The following KIF13B variants were observed in gnomAD, a reference collection of about 807,000 sequenced individuals.
KIF13B encodes kinesin family member 13B, also known as kinesin-like protein KIF13B.
KIF13B carries 127 observed loss-of-function variants against 222.0 expected under a neutral mutation model. The ratio of observed to expected loss-of-function variants is 0.57; its 90% CI spans 0.50 to 0.66. The LOEUF is 0.66. Ranked by LOEUF, KIF13B falls within the 30% of genes least tolerant of loss-of-function variation. KIF13B has a pLI of 0.00. For missense variants in KIF13B, 2,173 were observed against 2,379.0 expected (o/e 0.91, Z 1.80); for synonymous variants, 976 against 919.0 (o/e 1.06, Z -1.12).
chr8:29,132,753 A>AC (rs1810400775), intron 22 of KIF13B, among the ~76,000 whole-genome samples: 1 of 152,202 alleles, frequency 6.6e-6, no homozygotes, highest in Non-Finnish European at 1.5e-5. Context: ...TTTGGGAGCT[A>AC]TTTTTAAGAG....
intron 37 of KIF13B, among the ~76,000 whole-genome samples, chr8:29,090,146 G>T (rs1808228362): frequency 6.6e-6 from 1 of 152,142 alleles, no homozygotes; most frequent in African/African-American, 2.4e-5. Context: ...GTACTGGTGA[G>T]CGAATAAAGA....
intron 2 of KIF13B, among the ~76,000 whole-genome samples, chr8:29,227,738 C>CA (rs1815088172): frequency 6.6e-6 from 1 of 151,872 alleles, no homozygotes; most frequent in Non-Finnish European, 1.5e-5. Flanking sequence ...CACTTGAGGC[C>CA]AGGAATTCAA....
At chr8:29,163,185 C>CA (rs1811855694) in intron 12 of KIF13B, among the ~76,000 whole-genome samples, 1 of 152,096 alleles carries the variant, frequency 6.6e-6, no homozygotes, top group South Asian at 2.1e-4. Flanking sequence ...TCTTTCTATG[C>CA]AAAAATATTA....
Position 29,193,857 on chromosome 8 carries a change from G to A in KIF13B, c.162+2330C>T, listed in dbSNP as rs189693795. On this transcript the variant is annotated intron_variant, in intron 3 of 39. Coordinates refer to ENST00000524189, the MANE Select transcript of KIF13B (RefSeq NM_015254.4). The stretch of plus-strand genomic sequence containing the variant: ...TTTTGAGACGGAGTCTCGCTCTGTC[G>A]CCCAGGCTGGAGTGCAGTGGCGTGA... 4.2e-3 allele frequency among the ~76,000 whole-genome samples: 636 copies of A among 152,098 alleles called. 1 individual carries two copies. Among genetic ancestry groups the A allele is most frequent in the African/African-American group, 0.015 (602 of 41,484 alleles).
intron 2 of KIF13B, among the ~76,000 whole-genome samples, chr8:29,221,529 A>G (rs1444387289): frequency 2.6e-5 from 4 of 152,102 alleles, no homozygotes; most frequent in Admixed American, 2.6e-4. Context: ...ATAAAAATGA[A>G]ATAGGAGAAG....
At position 29,091,375 on chromosome 8, in the gene KIF13B, G is replaced by A. The variant is rs374881328; in HGVS notation, c.4458+1370C>T. On this transcript the variant is annotated intron_variant, in intron 37 of 39. Transcript: ENST00000524189. Reference sequence around the variant, plus strand: ...ATAGTAATGATGGCAGGCTGACTCCGTGACTTCCAACGTGATTCCAATTTC... The same window carrying A: ...ATAGTAATGATGGCAGGCTGACTCCATGACTTCCAACGTGATTCCAATTTC... Among the ~76,000 whole-genome samples the A allele has an allele frequency of 3.3e-5, 5 of 152,246 alleles. No homozygotes were observed. In the South Asian group the frequency reaches 6.2e-4, roughly 19 times the overall value.
In KIF13B at chr8:29,181,914, GT is replaced by G; in HGVS notation, c.585+4del. ...TTAAATAGTTCACATACAGGATGTT[GT>G]TACCTTGTAGCTTGTGACAGCCAGT... On this transcript the variant is annotated splice_donor_region_variant and intron_variant, in intron 7 of 39. Transcript: ENST00000524189. 6.2e-7 allele frequency: 1 copy of G among 1,606,168 alleles called. No individual in the cohort carries two copies. Among genetic ancestry groups the G allele is most frequent in the Non-Finnish European group, 8.5e-7 (1 of 1,173,860 alleles).
At chr8:29,152,661 G>A (rs1342656158) in intron 14 of KIF13B, among the ~76,000 whole-genome samples, 2 of 152,114 alleles carry the variant, frequency 1.3e-5, no homozygotes, top group East Asian at 1.9e-4. Flanking sequence ...ACCCAGGCTG[G>A]GGTGTAGTGG....
At chr8:29,228,488 T>TATATATATATAC (rs1815141877) in intron 2 of KIF13B, among the ~76,000 whole-genome samples, 1 of 136,578 alleles carries the variant, frequency 7.3e-6, no homozygotes, top group African/African-American at 2.7e-5. Context: ...TATATATATA[T>TATATATATATAC]ATGAGATACA....
intron 3 of KIF13B, among the ~76,000 whole-genome samples, 155 bp from the exon 4 acceptor site, chr8:29,191,212 A>T (rs1436838310): frequency 6.6e-6 from 1 of 152,238 alleles, no homozygotes; most frequent in African/African-American, 2.4e-5. Context: ...AGAACTAAAC[A>T]TGCTATAGGT....
At chr8:29,081,272 A>C (rs1284705991) in intron 37 of KIF13B, among the ~76,000 whole-genome samples, 1 of 151,972 alleles carries the variant, frequency 6.6e-6, no homozygotes, top group African/African-American at 2.4e-5. Flanking sequence ...ACAGGTGTGC[A>C]CCCTCCCCAT....
intron 2 of KIF13B, among the ~76,000 whole-genome samples, chr8:29,236,320 A>G (rs564496093): frequency 2.5e-4 from 38 of 152,176 alleles, no homozygotes; most frequent in Non-Finnish European, 4.1e-4. Flanking sequence ...TCAAAATAAT[A>G]TGGGGAAGAA....
At chr8:29,118,733 A>G (rs1809717857) in intron 30 of KIF13B, 135 bp downstream of exon 30, 2 of 838,778 alleles carry the variant, frequency 2.4e-6, no homozygotes, top group Non-Finnish European at 3.8e-6. Context: ...TCTGGAAGTC[A>G]TGATGAAAGG....
At chr8:29,186,242 G>A in intron 6 of KIF13B, 50 bp downstream of exon 6, 1 of 1,434,580 alleles carries the variant, frequency 7.0e-7, no homozygotes, top group Non-Finnish European at 9.6e-7. Flanking sequence ...GCCAATTTAA[G>A]TCTGTTTCAG....
chr8:29,166,474 G>T (rs750395220), intron 11 of KIF13B, among the ~76,000 whole-genome samples: 1 of 152,142 alleles, frequency 6.6e-6, no homozygotes, highest in Non-Finnish European at 1.5e-5. Flanking sequence ...CGAGGCGGGC[G>T]TATCACCTGA....
rs764002928 is a variant in KIF13B at position 29,099,155 on chromosome 8, T to C, written c.4302A>G (p.Gln1434=). 6.2e-7 allele frequency: 1 copy of C among 1,613,134 alleles called. No homozygotes were observed. The change falls in exon 36 of 40, where the codon CAA becomes CAG. Residue 1434 remains glutamine (Q), a synonymous_variant. Coordinates refer to ENST00000524189, the MANE Select transcript of KIF13B (RefSeq NM_015254.4). The stretch of plus-strand genomic sequence containing the variant: ...TACCTGGATCTGGAGAATGGTTATT[T>C]TGGGGAGAAACAGAGAGGGCGGGGG... ...APAPALSVSP[Q]NNHSPDPGLS... is the part of the protein sequence containing the mutation.
In KIF13B at chr8:29,245,347, G is replaced by A. The variant is rs752753259; in HGVS notation, c.148C>T (p.Arg50Trp). 88 of 1,584,192 alleles carry A rather than the reference G, an allele frequency of 5.6e-5. No individual in the cohort carries two copies. Among genetic ancestry groups the A allele is most frequent in the Middle Eastern group, 1.7e-4 (1 of 6,044 alleles). ...GCACAGCACTGTTTCTTAACTCACC[G>A]GGCATCTCCTTTGGAAAGATTCGTA... ...VNTNLSKGDA[R>W]GQPKVFAYDH... Residue 50 changes from arginine to tryptophan, a missense_variant and splice_region_variant, in exon 2 of 40, where the codon CGG becomes TGG. This residue lies in a region of KIF13B where 1,480 missense variants were observed against 1,722.8 expected (regional missense o/e 0.86). Coordinates refer to ENST00000524189, the MANE Select transcript of KIF13B (RefSeq NM_015254.4).
chr8:29,133,825 T>TATAC (rs1047805972), intron 22 of KIF13B, among the ~76,000 whole-genome samples: 6 of 152,240 alleles, frequency 3.9e-5, no homozygotes, highest in African/African-American at 1.4e-4. Context: ...AATATGCATA[T>TATAC]ATACATACAT....
chr8:29,129,646 C>CAA (rs11418745), intron 24 of KIF13B, among the ~76,000 whole-genome samples: 1,669 of 149,982 alleles, frequency 0.011, 16 homozygotes, highest in African/African-American at 0.022. Flanking sequence ...TAAAGTATAG[C>CAA]AAAAAAAAAA....
Sources: allele counts gnomAD v4.1 joint callset (sites outside exome capture counted in the v4.1 genomes callset), GRCh38; gene constraint gnomAD v4.1.1; regional missense constraint gnomAD v4.1.1; transcripts MANE v1.5; gene names NCBI Gene and HGNC (gene_info 2026-07-23, HGNC 2026-07-21).